The following ATP8B3 variants were observed in gnomAD, a reference collection of about 807,000 sequenced individuals.
ATP8B3 encodes ATPase phospholipid transporting 8B3, also known as phospholipid-transporting ATPase IK.
ATP8B3 carries 141 observed loss-of-function variants against 140.9 expected under a neutral mutation model. The observed-to-expected ratio is 1.00, with a 90% CI of 0.87 to 1.15. The LOEUF (loss-of-function observed/expected upper bound fraction) is 1.15, where lower values mean the gene tolerates loss of function less well. ATP8B3 is among the 50% of genes most tolerant of loss of function. ATP8B3 has a pLI of 0.00. For synonymous variants in ATP8B3, 765 were observed against 714.6 expected (o/e 1.07, Z -1.13); for missense variants, 1,874 against 1,740.6 (o/e 1.08, Z -1.36).
intron 14 of ATP8B3, among the ~76,000 whole-genome samples, chr19:1,797,468 T>TTTTATTTA (rs5826746): frequency 0.025 from 3,562 of 142,492 alleles, 74 homozygotes; most frequent in Middle Eastern, 0.055. Flanking sequence ...TCTTTTTTAT[T>TTTTATTTA]TTTATTTATT....
At chr19:1,795,744 C>G (rs2068643724) in intron 18 of ATP8B3, 131 bp downstream of exon 18, 1 of 906,042 alleles carries the variant, frequency 1.1e-6, no homozygotes, top group African/African-American at 1.7e-5. Flanking sequence ...TTCCATTTCT[C>G]CGTACAGTCT....
At position 1,805,671 on chromosome 19, in the gene ATP8B3, C is replaced by T. The variant is rs1205038937; in HGVS notation, c.822-215G>A. ...TGAGGCCAGGGCCTAGGGCCTAGGG[C>T]CTCCTGCCCGTATGCACACAATGGA... On this transcript the variant is annotated intron_variant, in intron 9 of 28. Coordinates refer to ENST00000310127, the MANE Select transcript of ATP8B3 (RefSeq NM_138813.4). This position sits in a 1 kb window ranked among gnomAD's most constrained non-coding sequence, Gnocchi z 5.2. 1.3e-5 allele frequency among the ~76,000 whole-genome samples: 2 copies of T among 150,108 alleles called. No homozygotes were observed. The highest frequency in any genetic ancestry group is 4.8e-5 in the African/African-American group (2 of 41,318).
chr19:1,791,217 CT>C (rs887948814), intron 20 of ATP8B3, among the ~76,000 whole-genome samples: 252 of 145,942 alleles, frequency 1.7e-3, no homozygotes, highest in Middle Eastern at 3.6e-3. Context: ...CTGAAAATCA[CT>C]TTTTTTTTTT....
chr19:1,796,876 T>A lies in ATP8B3; in HGVS notation c.1588A>T (p.Asn530Tyr). 1.2e-6 allele frequency: 2 copies of A among 1,611,242 alleles called. No individual in the cohort carries two copies. The highest frequency in any genetic ancestry group is 1.7e-6 in the Non-Finnish European group (2 of 1,178,892). Residue 530 changes from asparagine to tyrosine, a missense_variant, in exon 16 of 29, where the codon AAC (asparagine) becomes TAC (tyrosine). Asn to Tyr is a moderately radical substitution (Grantham distance 143). Coordinates refer to ENST00000310127, the MANE Select transcript of ATP8B3 (RefSeq NM_138813.4). ...DSEATTRPKE[N>Y]PYLWNKFADG... ...GCGAACTTGTTCCAGAGGTAGGGGT[T>A]CTCCTGGGGGTGGCGGGGGCACGGG...
Position 1,806,097 on chromosome 19 carries a change from TGG to T in ATP8B3, c.748_749del (p.Pro250SerfsTer23). On this transcript the variant is annotated frameshift_variant and splice_region_variant, in exon 8 of 29. Coordinates refer to ENST00000310127, the MANE Select transcript of ATP8B3 (RefSeq NM_138813.4). LOFTEE classifies it high-confidence loss of function. This position sits in a 1 kb window ranked among gnomAD's most constrained non-coding sequence, Gnocchi z 5.6. ...VVCLRKDNIVPADMLLLASTE... is the reference protein window; with the variant it reads ...VVCLRKDNIVXADMLLLASTE... ...GACCTCGGGGTCAACCCCAGCTCAC[TGG>T]GACGATGTTGTCCTTGCGGAGACAG... The T allele has an allele frequency of 6.2e-7, 1 of 1,601,894 alleles. No homozygotes were observed. The highest frequency in any genetic ancestry group is 8.5e-7 in the Non-Finnish European group (1 of 1,174,820).
intron 11 of ATP8B3, 81 bp downstream of exon 11, chr19:1,802,406 T>TTGGGGCC: frequency 2.4e-6 from 1 of 421,058 alleles, no homozygotes; most frequent in Non-Finnish European, 4.4e-6. Context: ...TCCACCCACC[T>TTGGGGCC]ACCCACCCAC....
intron 21 of ATP8B3, 31 bp downstream of exon 21, chr19:1,790,726 C>A: frequency 1.3e-6 from 2 of 1,562,712 alleles, no homozygotes; most frequent in East Asian, 2.4e-5. Flanking sequence ...CCCCACTCCC[C>A]TTGCTCACCC....
Position 1,806,770 on chromosome 19 carries a change from C to T in ATP8B3, c.616-81G>A. 6.9e-7 allele frequency: 1 copy of T among 1,442,576 alleles called. No homozygotes were observed. 89.4% of individuals were successfully genotyped at this position (1,442,576 alleles called of 1,614,324 possible). ...AGGCCGCTGCCGCACTGCAGCCCAGCAGTGCCCGCCCGCAACACGGGGTCC... is the reference window on the plus strand; with the variant it reads ...AGGCCGCTGCCGCACTGCAGCCCAGTAGTGCCCGCCCGCAACACGGGGTCC... On this transcript the variant is annotated intron_variant, in intron 6 of 28. Transcript: ENST00000310127. This position sits in a 1 kb window ranked among gnomAD's most constrained non-coding sequence, Gnocchi z 5.6.
intron 12 of ATP8B3, among the ~76,000 whole-genome samples, chr19:1,801,708 C>G (rs896121549): frequency 6.6e-6 from 1 of 152,050 alleles, no homozygotes; most frequent in African/African-American, 2.4e-5. Context: ...GCCAAGATCA[C>G]GCCACTGCAC....
At chr19:1,788,768 C>T (rs1032407559) in intron 24 of ATP8B3, 129 bp downstream of exon 24, 20 of 906,206 alleles carry the variant, frequency 2.2e-5, no homozygotes, top group Non-Finnish European at 3.3e-5. Flanking sequence ...GCCATGTGGC[C>T]TCAGGCAAGC....
intron 14 of ATP8B3, among the ~76,000 whole-genome samples, chr19:1,798,025 G>A (rs1291327282): frequency 2.6e-5 from 4 of 152,000 alleles, no homozygotes; most frequent in Admixed American, 6.5e-5. Context: ...CTGCTGGAGT[G>A]CAGTGGCGTG....
intron 20 of ATP8B3, among the ~76,000 whole-genome samples, chr19:1,791,313 C>A (rs952934101): frequency 6.6e-6 from 1 of 151,746 alleles, no homozygotes; most frequent in South Asian, 2.1e-4. Context: ...TGGGCATAAG[C>A]GAGCCTCCTG....
chr19:1,783,080 G>T lies in ATP8B3; in HGVS notation c.3851C>A (p.Ser1284Tyr). The T allele has an allele frequency of 6.2e-7, 1 of 1,613,056 alleles. No homozygotes were observed. The highest frequency in any genetic ancestry group is 8.5e-7 in the Non-Finnish European group (1 of 1,179,578). ...TGCCTCTTCATCAGATGGGTCTAGG[G>T]ATTCAGATGCTATGTCACTGCTGAC... ...PGVSSDIASE[S>Y]LDPSDEEAAS... Residue 1284 changes from serine (S) to tyrosine (Y), a missense_variant, in exon 29 of 29, where the codon TCC becomes TAC. Ser to Tyr is a moderately radical substitution (Grantham distance 144). Around this residue, in one of 3 missense-constraint regions of ATP8B3, gnomAD observed 840 missense variants for 760.9 expected, o/e 1.10. Coordinates refer to ENST00000310127, the MANE Select transcript of ATP8B3 (RefSeq NM_138813.4).
intron 10 of ATP8B3, among the ~76,000 whole-genome samples, chr19:1,802,923 G>A (rs1395006243): frequency 6.6e-6 from 1 of 152,124 alleles, no homozygotes; most frequent in Admixed American, 6.6e-5. Context: ...CTCCCTCGTG[G>A]TTCTGATCCC....
chr19:1,796,686 G>C lies in ATP8B3; in HGVS notation c.1753+25C>G, dbSNP rs1383039223. On this transcript the variant is annotated intron_variant, in intron 16 of 28. Transcript: ENST00000310127. ...GTGCCCCGGGGGCTGAGCGGCCTCA[G>C]AGATGGGGAGGTGGGTGGGCGCACC... 5 of 1,603,132 alleles carry C rather than the reference G, an allele frequency of 3.1e-6. No individual in the cohort carries two copies. The African/African-American group carries it at 4.0e-5, about 13-fold the overall frequency.
At position 1,804,615 on chromosome 19, in the gene ATP8B3, A is replaced by T. The variant is rs1006058325; in HGVS notation, c.904+759T>A. ...AGAGCGAGACTCCGTCTCAAAAAAA[A>T]AAAAGAAAAAAGAAACCCCGTCTCT... On this transcript the variant is annotated intron_variant, in intron 10 of 28. Coordinates refer to ENST00000310127, the MANE Select transcript of ATP8B3 (RefSeq NM_138813.4). 2.6e-5 allele frequency among the ~76,000 whole-genome samples: 4 copies of T among 151,138 alleles called. No individual in the cohort carries two copies. The South Asian group carries it at 6.3e-4, about 24-fold the overall frequency.
In ATP8B3 at chr19:1,798,606, C is replaced by T. The variant is rs529712103; in HGVS notation, c.1552+1341G>A. 7.9e-5 allele frequency among the ~76,000 whole-genome samples: 12 copies of T among 151,774 alleles called. No individual in the cohort carries two copies. The East Asian group carries it at 2.1e-3, about 27-fold the overall frequency. ...ACAAAAAATTAGCCGGGCGTGGTGG[C>T]GGGCGCCTGTAGTCCCAGCTACTTG... On this transcript the variant is annotated intron_variant, in intron 14 of 28. Coordinates refer to ENST00000310127, the MANE Select transcript of ATP8B3 (RefSeq NM_138813.4).
rs200320156 is a variant in ATP8B3 at position 1,785,185 on chromosome 19, A to G, written c.3506T>C (p.Val1169Ala). The G allele has an allele frequency of 1.9e-5, 30 of 1,596,088 alleles. No homozygotes were observed. Among genetic ancestry groups the G allele is most frequent in the Non-Finnish European group, 2.3e-5 (27 of 1,171,820 alleles). ...TTTQSFWLFRVSPTTFPFLYA... is the reference protein window; with the variant it reads ...TTTQSFWLFRASPTTFPFLYA... ...CAGAAACGGGAAGGTCGTGGGGGATACTCTGAAGAGCCAGAAGCTCTGGGT... is the reference window on the plus strand; with the variant it reads ...CAGAAACGGGAAGGTCGTGGGGGATGCTCTGAAGAGCCAGAAGCTCTGGGT... The change falls in exon 27 of 29, where the codon GTA becomes GCA. Residue 1169 changes from valine (V) to alanine (A), a missense_variant. Val to Ala is a moderately conservative substitution (Grantham distance 64). Transcript: ENST00000310127.
intron 2 of ATP8B3, among the ~76,000 whole-genome samples, chr19:1,810,914 C>T (rs1353293176): frequency 6.6e-6 from 1 of 152,186 alleles, no homozygotes; most frequent in Non-Finnish European, 1.5e-5. Context: ...TGCAACAGCC[C>T]ATCTGCCAGT....
Sources: gnomAD v4.1 joint callset for allele counts (sites outside exome capture counted in the v4.1 genomes callset) on GRCh38, gnomAD v4.1.1 for gene constraint, gnomAD v4.1.1 regional missense constraint, Gnocchi (gnomAD v3.1) non-coding constraint, MANE v1.5 for transcripts, NCBI Gene and HGNC (gene_info 2026-07-23, HGNC 2026-07-21) for gene names.